The following MACROD2 variants were observed in gnomAD, a reference collection of about 807,000 sequenced individuals.
MACROD2 encodes mono-ADP ribosylhydrolase 2.
A neutral mutation model predicts 70.4 loss-of-function variants in MACROD2; 36 were observed. That is an observed-to-expected ratio of 0.51 (90% CI 0.39 to 0.68). MACROD2 has a LOEUF of 0.68. Among genes scored for constraint, MACROD2 ranks in the 30% least tolerant of loss-of-function variants. The probability of loss-of-function intolerance (pLI) is 0.00; values close to 1 mark genes in which losing one functional copy is unlikely to be tolerated. For synonymous variants in MACROD2, 172 were observed against 178.8 expected (o/e 0.96, Z 0.30); for missense variants, 496 against 538.4 (o/e 0.92, Z 0.78).
intron 15 of MACROD2, among the ~76,000 whole-genome samples, chr20:16,028,143 T>C (rs187203993): frequency 4.6e-5 from 7 of 152,336 alleles, no homozygotes; most frequent in Admixed American, 1.3e-4. Flanking sequence ...TCCATCTAGT[T>C]CCAACTCAAA....
chr20:14,770,546 T>G (rs572628754), intron 5 of MACROD2, among the ~76,000 whole-genome samples: 2 of 152,230 alleles, frequency 1.3e-5, no homozygotes, highest in Middle Eastern at 3.4e-3. Context: ...TTTAGTCTAA[T>G]TTTTTCATTT....
chr20:14,669,270 G>T (rs1004361801), intron 4 of MACROD2, among the ~76,000 whole-genome samples: 1 of 152,224 alleles, frequency 6.6e-6, no homozygotes, highest in East Asian at 1.9e-4. Context: ...AAAGCAGAGT[G>T]AATGGCAAAA....
At chr20:14,466,752 A>T (rs572961425) in intron 3 of MACROD2, among the ~76,000 whole-genome samples, 233 of 152,210 alleles carry the variant, frequency 1.5e-3, no homozygotes, top group Middle Eastern at 6.8e-3. Context: ...TCCTTCTAAC[A>T]GTCAGGACCC....
At chr20:15,163,364 T>C (rs573056631) in intron 5 of MACROD2, among the ~76,000 whole-genome samples, 92 of 150,062 alleles carry the variant, frequency 6.1e-4, no homozygotes, top group African/African-American at 2.0e-3. Context: ...TAAAAAGATA[T>C]GATGTTATTA....
At chr20:15,419,520 G>T (rs1325647906) in intron 6 of MACROD2, among the ~76,000 whole-genome samples, 1 of 152,176 alleles carries the variant, frequency 6.6e-6, no homozygotes, top group Non-Finnish European at 1.5e-5. Context: ...CTGTGTTCTT[G>T]TTCCCGATTC....
intron 4 of MACROD2, among the ~76,000 whole-genome samples, chr20:14,497,112 A>G (rs753123365): frequency 6.6e-6 from 1 of 151,734 alleles, no homozygotes; most frequent in Non-Finnish European, 1.5e-5. Context: ...TTACACCAGG[A>G]AAAATAAGTG....
intron 3 of MACROD2, among the ~76,000 whole-genome samples, chr20:14,485,692 A>G (rs1473716310): frequency 2.7e-5 from 2 of 74,618 alleles, no homozygotes; most frequent in African/African-American, 1.1e-4. Context: ...ACAGAGCAAG[A>G]CTCCGTCTCA....
intron 5 of MACROD2, among the ~76,000 whole-genome samples, chr20:14,931,037 G>C (rs11087114): frequency 6.6e-6 from 1 of 151,752 alleles, no homozygotes; most frequent in African/African-American, 2.4e-5. Flanking sequence ...TACCTACCAA[G>C]TCCCAGGCAC....
At chr20:14,825,555 A>G (rs949220029) in intron 5 of MACROD2, among the ~76,000 whole-genome samples, 2 of 152,204 alleles carry the variant, frequency 1.3e-5, no homozygotes, top group Admixed American at 6.5e-5. Context: ...ATGAAATTCC[A>G]TTCTTTATAT....
chr20:15,852,719 G>T (rs1360361197), intron 8 of MACROD2, among the ~76,000 whole-genome samples: 3 of 152,084 alleles, frequency 2.0e-5, no homozygotes, highest in Non-Finnish European at 2.9e-5. Context: ...TTATCTCATT[G>T]GCTGATATGA....
intron 3 of MACROD2, among the ~76,000 whole-genome samples, chr20:14,490,905 C>T (rs2084786237): frequency 6.6e-6 from 1 of 152,110 alleles, no homozygotes; most frequent in Admixed American, 6.5e-5. Flanking sequence ...ATTGACTAAA[C>T]CTACCAATTA....
chr20:15,561,922 A>G (rs1003662890), intron 8 of MACROD2, among the ~76,000 whole-genome samples: 1 of 152,062 alleles, frequency 6.6e-6, no homozygotes, highest in Non-Finnish European at 1.5e-5. Context: ...TTATGCATGT[A>G]CTTTCCTGGC....
At chr20:14,684,768 T>C (rs1397465001) in intron 4 of MACROD2, 75 bp from the exon 5 acceptor site, 2 of 1,222,278 alleles carry the variant, frequency 1.6e-6, no homozygotes, top group East Asian at 2.4e-5. Flanking sequence ...TTGAGTTCTC[T>C]TCCTCTTCCC....
chr20:14,279,573 G>T (rs2082288160), intron 3 of MACROD2, among the ~76,000 whole-genome samples: 1 of 151,930 alleles, frequency 6.6e-6, no homozygotes, highest in East Asian at 1.9e-4. Flanking sequence ...TTCTATTTTT[G>T]CAGATGGAGA....
chr20:15,710,019 ACT>A (rs2050600836), intron 8 of MACROD2, among the ~76,000 whole-genome samples: 1 of 151,976 alleles, frequency 6.6e-6, no homozygotes, highest in Non-Finnish European at 1.5e-5. Flanking sequence ...GCTTCTACAG[ACT>A]CTGATTTAAA....
At chr20:15,699,744 G>A in intron 8 of MACROD2, among the ~76,000 whole-genome samples, 1 of 152,266 alleles carries the variant, frequency 6.6e-6, no homozygotes, top group Admixed American at 6.5e-5. Context: ...CTCCGGATTT[G>A]TGCCCTCCCC....
chr20:14,761,802 C>T (rs117250145), intron 5 of MACROD2, among the ~76,000 whole-genome samples: 1 of 152,214 alleles, frequency 6.6e-6, no homozygotes, highest in Non-Finnish European at 1.5e-5. Flanking sequence ...TTTGTAGTCC[C>T]CGCACATAAA....
chr20:15,931,139 A>G (rs2065570094), intron 10 of MACROD2, among the ~76,000 whole-genome samples: 1 of 152,168 alleles, frequency 6.6e-6, no homozygotes, highest in African/African-American at 2.4e-5. Flanking sequence ...ATATTGGCTA[A>G]GTTTTTGGCA....
chr20:16,034,076 C>G (rs1288627913), intron 15 of MACROD2, among the ~76,000 whole-genome samples: 1 of 151,968 alleles, frequency 6.6e-6, no homozygotes, highest in Admixed American at 6.6e-5. Context: ...TATGGATTTT[C>G]ACAAAATACC....
Sources: allele counts gnomAD v4.1 joint callset (sites outside exome capture counted in the v4.1 genomes callset), GRCh38; gene constraint gnomAD v4.1.1; transcripts MANE v1.5; gene names NCBI Gene and HGNC (gene_info 2026-07-23, HGNC 2026-07-21).